CNTNAP2: variants seen among roughly 807,000 people sequenced by gnomAD.
The protein encoded by CNTNAP2 is contactin-associated protein-like 2.
Under a neutral mutation model 155.2 loss-of-function variants are expected in CNTNAP2, and 98 were observed. The observed-to-expected ratio is 0.63, with a 90% confidence interval of 0.54 to 0.75. The LOEUF (loss-of-function observed/expected upper bound fraction) is 0.75. Among genes scored for constraint, CNTNAP2 ranks in the 30% least tolerant of loss-of-function variants. The pLI is 0.00. For synonymous variants in CNTNAP2, 651 were observed against 631.2 expected (o/e 1.03, Z -0.47); for missense variants, 1,727 against 1,688.1 (o/e 1.02, Z -0.40).
chr7:147,125,099 C>G (rs1801206524), intron 6 of CNTNAP2, among the ~76,000 whole-genome samples: 1 of 151,908 alleles, frequency 6.6e-6, no homozygotes, highest in South Asian at 2.1e-4. Context: ...CCAGGATGGT[C>G]TCGATCTCCT....
At chr7:146,839,940 G>A (rs770163229) in intron 3 of CNTNAP2, 36 bp downstream of exon 3, 13 of 1,607,182 alleles carry the variant, frequency 8.1e-6, no homozygotes, top group African/African-American at 8.0e-5. Context: ...ACACAGAATT[G>A]GATTGGAAAT....
In CNTNAP2 at chr7:146,712,171, A is replaced by ATCTTAGTATACT. The variant is rs1422695142; in HGVS notation, c.98-62100_98-62099insTCTTAGTATACT. 4.1e-3 allele frequency among the ~76,000 whole-genome samples: 415 copies of ATCTTAGTATACT among 100,692 alleles called. 58 individuals carry two copies. The highest frequency in any genetic ancestry group is 0.024 in the African/African-American group (392 of 16,142). 66.1% of individuals were successfully genotyped at this position (100,692 alleles called of 152,430 possible). A position where few individuals can be genotyped will look rare whatever the true frequency, so the allele number is the denominator to read the frequency against. The stretch of plus-strand genomic sequence containing the variant: ...ATAGTATACATATCTTATGTATACA[A>ATCTTAGTATACT]ATATGTATACATATCTTATGTATAC... On this transcript the variant is annotated intron_variant, in intron 1 of 23. Transcript: ENST00000361727.
At chr7:146,180,607 A>G (rs1490741508) in intron 1 of CNTNAP2, among the ~76,000 whole-genome samples, 1 of 152,154 alleles carries the variant, frequency 6.6e-6, no homozygotes, top group African/African-American at 2.4e-5. Flanking sequence ...GCTCTCTCCC[A>G]CCTTCATTCT....
At chr7:147,026,869 A>G (rs1798930454) in intron 3 of CNTNAP2, among the ~76,000 whole-genome samples, 1 of 150,080 alleles carries the variant, frequency 6.7e-6, no homozygotes, top group South Asian at 2.1e-4. Flanking sequence ...TTTGTATGTA[A>G]TTGGCTAACA....
intron 11 of CNTNAP2, among the ~76,000 whole-genome samples, chr7:147,559,025 C>T (rs1490299610): frequency 6.6e-6 from 1 of 152,126 alleles, no homozygotes; most frequent in Non-Finnish European, 1.5e-5. Flanking sequence ...CGTGAGCCAC[C>T]ATGCCCGGCC....
chr7:147,958,038 G>T (rs1801050298), intron 14 of CNTNAP2, among the ~76,000 whole-genome samples: 1 of 152,148 alleles, frequency 6.6e-6, no homozygotes, highest in Non-Finnish European at 1.5e-5. Flanking sequence ...TTGCACCACT[G>T]TACTTTAGCC....
intron 12 of CNTNAP2, among the ~76,000 whole-genome samples, chr7:147,611,585 TG>T (rs1801187190): frequency 6.6e-6 from 1 of 152,234 alleles, no homozygotes; most frequent in African/African-American, 2.4e-5. Context: ...GAGAATGGTC[TG>T]TCATTATTTA....
At chr7:146,712,601 C>T (rs944008993) in intron 1 of CNTNAP2, among the ~76,000 whole-genome samples, 16 of 150,368 alleles carry the variant, frequency 1.1e-4, no homozygotes, top group Admixed American at 6.6e-4. Context: ...ACATATATGC[C>T]TGTTTCTTTT....
At chr7:146,639,242 A>AT (rs776712066) in intron 1 of CNTNAP2, among the ~76,000 whole-genome samples, 1 of 152,176 alleles carries the variant, frequency 6.6e-6, no homozygotes, top group Non-Finnish European at 1.5e-5. Flanking sequence ...AATTCATGCT[A>AT]TTTTTACTTG....
intron 1 of CNTNAP2, among the ~76,000 whole-genome samples, chr7:146,445,950 T>C (rs1175524950): frequency 6.6e-6 from 1 of 152,156 alleles, no homozygotes; most frequent in Non-Finnish European, 1.5e-5. Context: ...TTCCCTAAAC[T>C]CTCCTTCAGG....
chr7:147,796,829 C>T (rs1448550148), intron 13 of CNTNAP2, among the ~76,000 whole-genome samples: 1 of 152,120 alleles, frequency 6.6e-6, no homozygotes, highest in Non-Finnish European at 1.5e-5. Context: ...ATTTCCTTAA[C>T]ATCTTTAAAA....
chr7:148,189,203 A>C (rs1225407394), intron 18 of CNTNAP2, among the ~76,000 whole-genome samples: 1 of 152,156 alleles, frequency 6.6e-6, no homozygotes, highest in Non-Finnish European at 1.5e-5. Flanking sequence ...ATTTTTATGA[A>C]GATAATAAGC....
chr7:148,281,353 A>T (rs1796971064), intron 21 of CNTNAP2, among the ~76,000 whole-genome samples: 1 of 152,244 alleles, frequency 6.6e-6, no homozygotes, highest in Non-Finnish European at 1.5e-5. Context: ...TAAGAGTAGA[A>T]TGCAGCAAAA....
intron 1 of CNTNAP2, among the ~76,000 whole-genome samples, chr7:146,606,674 A>T (rs1366416648): frequency 3.9e-5 from 6 of 152,178 alleles, no homozygotes; most frequent in South Asian, 2.1e-4. Flanking sequence ...TCACTTGACA[A>T]AACCCACTTA....
chr7:147,898,400 C>T (rs894839000), intron 13 of CNTNAP2, among the ~76,000 whole-genome samples: 10 of 152,168 alleles, frequency 6.6e-5, no homozygotes, highest in Admixed American at 2.6e-4. Flanking sequence ...TGTGACTGTT[C>T]ACATGGTAAC....
intron 15 of CNTNAP2, among the ~76,000 whole-genome samples, chr7:148,049,130 A>T (rs1802835663): frequency 6.6e-6 from 1 of 152,152 alleles, no homozygotes; most frequent in Non-Finnish European, 1.5e-5. Flanking sequence ...CAGAAGAATC[A>T]CTTGAACCCA....
intron 1 of CNTNAP2, among the ~76,000 whole-genome samples, chr7:146,531,324 A>G (rs1797766288): frequency 6.6e-6 from 1 of 152,118 alleles, no homozygotes; most frequent in African/African-American, 2.4e-5. Flanking sequence ...CCTGCGAACA[A>G]ACAATTTACA....
intron 8 of CNTNAP2, among the ~76,000 whole-genome samples, chr7:147,160,227 T>C (rs1210046735): frequency 1.3e-5 from 2 of 152,108 alleles, no homozygotes; most frequent in African/African-American, 2.4e-5. Flanking sequence ...AAATATTCAA[T>C]ATACAGAACC....
intron 13 of CNTNAP2, among the ~76,000 whole-genome samples, chr7:147,826,921 T>C (rs1039886406): frequency 4.7e-5 from 7 of 148,892 alleles, no homozygotes; most frequent in African/African-American, 1.5e-4. Context: ...ACATAAAAGC[T>C]GAATACATTT....
Sources: gnomAD v4.1 joint callset for allele counts (sites outside exome capture counted in the v4.1 genomes callset) on GRCh38, gnomAD v4.1.1 for gene constraint, MANE v1.5 for transcripts, NCBI Gene and HGNC (gene_info 2026-07-23, HGNC 2026-07-21) for gene names.